SRSF4: variants seen among roughly 807,000 people sequenced by gnomAD.
SRSF4 encodes the protein serine/arginine-rich splicing factor 4.
Under a neutral mutation model 48.8 loss-of-function variants are expected in SRSF4, and 12 were observed. The ratio of observed to expected loss-of-function variants is 0.25; its 90% CI spans 0.16 to 0.40. The LOEUF is 0.40. Among genes scored for constraint, SRSF4 ranks in the 10% least tolerant of loss-of-function variants. The pLI, the probability that SRSF4 is intolerant of heterozygous loss-of-function variation, is 1.00. For synonymous variants in SRSF4, 248 were observed against 232.5 expected (o/e 1.07, Z -0.61); for missense variants, 466 against 667.1 (o/e 0.70, Z 3.32).
Position 29,148,976 on chromosome 1 carries a change from T to C in SRSF4, c.919A>G (p.Arg307Gly). ...CCTCGCTTCTCCTCCTCCACTCTCC[T>C]CTCCTGACTCCTGCTCCGACTTTTG... The part of the protein sequence containing the change: ...KSKSRSRSQE[R>G]RVEEEKRGSV... The change falls in exon 6 of 6, where the codon AGG (arginine) becomes GGG (glycine). Residue 307 changes from arginine to glycine, a missense_variant. Coordinates refer to ENST00000373795, the MANE Select transcript of SRSF4 (RefSeq NM_005626.5). 1.2e-6 allele frequency: 2 copies of C among 1,613,498 alleles called. No homozygotes were observed. Among genetic ancestry groups the C allele is most frequent in the South Asian group, 2.2e-5 (2 of 91,050 alleles).
chr1:29,174,837 C>T (rs551101059), intron 1 of SRSF4, among the ~76,000 whole-genome samples: 1 of 151,778 alleles, frequency 6.6e-6, no homozygotes, highest in Non-Finnish European at 1.5e-5. Context: ...TCATGCCCAG[C>T]TAATTTTTGT....
At chr1:29,156,810 G>T (rs917562920) in intron 3 of SRSF4, among the ~76,000 whole-genome samples, 1 of 152,350 alleles carries the variant, frequency 6.6e-6, no homozygotes, top group South Asian at 2.1e-4. Context: ...GAGAGGTTAA[G>T]AGTGCATAAA....
intron 1 of SRSF4, among the ~76,000 whole-genome samples, chr1:29,176,622 G>C (rs1672859555): frequency 6.6e-6 from 1 of 152,130 alleles, no homozygotes. Flanking sequence ...TCCCTGTGTA[G>C]GTGCTGGGGT....
Position 29,148,468 on chromosome 1 carries a change from G to C in SRSF4, c.1427C>G (p.Ser476Cys). Residue 476 changes from serine (S) to cysteine (C), a missense_variant, in exon 6 of 6, where the codon TCC (serine) becomes TGC (cysteine). Transcript: ENST00000373795. ...SKTRSRSKSR[S>C]RSASRSPSRS... The stretch of plus-strand genomic sequence containing the variant: ...GGAGGGCGATCTGGAAGCAGACCTG[G>C]ATCTAGACTTGGACCGAGATCGGGT... 6.2e-7 allele frequency: 1 copy of C among 1,613,628 alleles called. No homozygotes were observed. The highest frequency in any genetic ancestry group is 8.5e-7 in the Non-Finnish European group (1 of 1,179,738).
chr1:29,148,707 C>T lies in SRSF4; in HGVS notation c.1188G>A (p.Lys396=). 3 of 1,588,092 alleles carry T rather than the reference C, an allele frequency of 1.9e-6. No homozygotes were observed. The highest frequency in any genetic ancestry group is 2.3e-5 in the South Asian group (2 of 87,996). ...SKAGSSKKKK[K]EDTDRSQSRS... ...TGGACTGGGAGCGGTCAGTGTCTTC[C>T]TTCTTCTTCTTCTTGCTGCTGCCCG... Residue 396 remains lysine (K), a synonymous_variant, in exon 6 of 6, where the codon AAG becomes AAA. Coordinates refer to ENST00000373795, the MANE Select transcript of SRSF4 (RefSeq NM_005626.5).
chr1:29,175,808 G>A (rs951177657), intron 1 of SRSF4, among the ~76,000 whole-genome samples: 4 of 149,004 alleles, frequency 2.7e-5, no homozygotes, highest in African/African-American at 4.9e-5. Context: ...ATTCAAACAC[G>A]CTTTTAAACA....
At position 29,181,637 on chromosome 1, in the gene SRSF4, C is replaced by T; in HGVS notation, c.107+9G>A. 1.9e-6 allele frequency: 3 copies of T among 1,580,294 alleles called. No homozygotes were observed. The highest frequency in any genetic ancestry group is 1.7e-6 in the Non-Finnish European group (2 of 1,164,476). ...CCCGCCCGGCCGGACCCTCTTTCGCCCTCCTCACCCGTTCTTCAGATCCAC... is the reference window on the plus strand; with the variant it reads ...CCCGCCCGGCCGGACCCTCTTTCGCTCTCCTCACCCGTTCTTCAGATCCAC... On this transcript the variant is annotated intron_variant, in intron 1 of 5. Transcript: ENST00000373795.
intron 1 of SRSF4, among the ~76,000 whole-genome samples, chr1:29,168,190 AAT>A (rs1491443932): frequency 1.0e-5 from 1 of 95,754 alleles, no homozygotes; most frequent in Non-Finnish European, 2.3e-5. Context: ...AATTTTTTGT[AAT>A]TTTTTTTTTT....
In SRSF4 at chr1:29,148,744, C is replaced by T. The variant is rs746358772; in HGVS notation, c.1151G>A (p.Arg384Gln). The stretch of plus-strand genomic sequence containing the variant: ...CTTGCTGCTGCCCGCCTTGCTGTCT[C>T]GCTTGCTGCCTCGCTTTCTGCTCCT... Reference protein sequence around the residue: ...SERSRKRGSKRDSKAGSSKKK... With the variant: ...SERSRKRGSKQDSKAGSSKKK... The change falls in exon 6 of 6, where the codon CGA (arginine) becomes CAA (glutamine). Residue 384 changes from arginine (R) to glutamine (Q), a missense_variant. Coordinates refer to ENST00000373795, the MANE Select transcript of SRSF4 (RefSeq NM_005626.5). 24 of 1,613,678 alleles carry T rather than the reference C, an allele frequency of 1.5e-5. No individual in the cohort carries two copies. In the East Asian group the frequency reaches 1.6e-4, roughly 10 times the overall value.
In SRSF4 at chr1:29,148,789, C is replaced by A. The variant is rs769961673; in HGVS notation, c.1106G>T (p.Arg369Leu). ...GCTCCTCTCACTCTTGCTGCGGCTG[C>A]GACTGCGACTGCGGCTCTCCTCTCT... ...RSREESRSRSRSRSKSERSRK... is the reference protein window; with the variant it reads ...RSREESRSRSLSRSKSERSRK... The change falls in exon 6 of 6, where the codon CGC becomes CTC. Residue 369 changes from arginine (R) to leucine (L), a missense_variant. Arg to Leu is a moderately radical substitution (Grantham distance 102). This residue lies in a region of SRSF4 where 402 missense variants were observed against 437.0 expected (regional missense o/e 0.92). Coordinates refer to ENST00000373795, the MANE Select transcript of SRSF4 (RefSeq NM_005626.5). 1 of 1,612,440 alleles carries A rather than the reference C, an allele frequency of 6.2e-7. No homozygotes were observed. Among genetic ancestry groups the A allele is most frequent in the African/African-American group, 1.3e-5 (1 of 74,674 alleles).
intron 5 of SRSF4, 88 bp downstream of exon 5, chr1:29,150,015 G>A (rs1672381685): frequency 3.6e-6 from 4 of 1,101,242 alleles, no homozygotes; most frequent in Middle Eastern, 2.0e-4. Flanking sequence ...GTGACAGAGT[G>A]TCTCTTTGAA....
Position 29,148,982 on chromosome 1 carries a change from G to T in SRSF4, c.913C>A (p.Gln305Lys). 6.2e-7 allele frequency: 1 copy of T among 1,612,636 alleles called. No individual in the cohort carries two copies. Among genetic ancestry groups the T allele is most frequent in the Non-Finnish European group, 8.5e-7 (1 of 1,179,772 alleles). The change falls in exon 6 of 6, where the codon CAG (glutamine) becomes AAG (lysine). Residue 305 changes from glutamine to lysine, a missense_variant. Gln to Lys is a moderately conservative substitution (Grantham distance 53, BLOSUM62 1). Transcript: ENST00000373795. ...KSKSKSRSRS[Q>K]ERRVEEEKRG... is the part of the protein sequence containing the mutation. ...TTCTCCTCCTCCACTCTCCTCTCCT[G>T]ACTCCTGCTCCGACTTTTGCTCTTA...
intron 3 of SRSF4, among the ~76,000 whole-genome samples, chr1:29,157,980 C>A (rs1672527087): frequency 6.6e-6 from 1 of 152,126 alleles, no homozygotes; most frequent in Non-Finnish European, 1.5e-5. Flanking sequence ...CGAGACCAGC[C>A]TGGTCAACAT....
intron 3 of SRSF4, among the ~76,000 whole-genome samples, chr1:29,156,307 T>C (rs1558388277): frequency 2.0e-5 from 3 of 151,598 alleles, no homozygotes; most frequent in African/African-American, 2.4e-5. Context: ...TGAGCGAGAT[T>C]GTGCCACTGC....
At position 29,148,530 on chromosome 1, in the gene SRSF4, T is replaced by C. The variant is rs1161516740; in HGVS notation, c.1365A>G (p.Pro455=). ...ACTTTGATCTGGAGCGTGATTCTGA[T>C]GGAAGGTTTGGTTTCGATTTGGAAT... ...RSNSKSKPNL[P]SESRSRSKSA... is the part of the protein sequence containing the mutation. Residue 455 remains proline, a synonymous_variant, in exon 6 of 6, where the codon CCA becomes CCG. Coordinates refer to ENST00000373795, the MANE Select transcript of SRSF4 (RefSeq NM_005626.5). 1 of 1,614,134 alleles carries C rather than the reference T, an allele frequency of 6.2e-7. No individual in the cohort carries two copies. The highest frequency in any genetic ancestry group is 1.1e-5 in the South Asian group (1 of 91,082).
intron 1 of SRSF4, 72 bp from the exon 2 acceptor site, chr1:29,160,589 C>G: frequency 6.7e-7 from 1 of 1,497,538 alleles, no homozygotes; most frequent in Non-Finnish European, 9.0e-7. Context: ...AAAGAGAAAG[C>G]AATGAGGTTC....
chr1:29,159,406 A>G lies in SRSF4; in HGVS notation c.331T>C (p.Leu111=), dbSNP rs1672558715. 2.5e-6 allele frequency: 4 copies of G among 1,614,050 alleles called. No individual in the cohort carries two copies. In the East Asian group the frequency reaches 8.9e-5, roughly 36 times the overall value. ...RTEYRLIVEN[L]SSRCSWQDLK... is the part of the protein sequence containing the mutation. ...TCTTGCCAGCTGCACCGACTTGACA[A>G]ATTCTCCACAATAAGTCTGTACTCT... The change falls in exon 3 of 6, where the codon TTG becomes CTG. Residue 111 remains leucine, a synonymous_variant. Coordinates refer to ENST00000373795, the MANE Select transcript of SRSF4 (RefSeq NM_005626.5).
intron 1 of SRSF4, among the ~76,000 whole-genome samples, chr1:29,164,117 C>A (rs1421382838): frequency 1.3e-5 from 2 of 152,248 alleles, no homozygotes; most frequent in East Asian, 3.9e-4. Flanking sequence ...TCCCAAGTAG[C>A]TGGGATTACA....
Position 29,148,481 on chromosome 1 carries a change from A to C in SRSF4, c.1414T>G (p.Ser472Ala), listed in dbSNP as rs762382718. Residue 472 changes from serine (S) to alanine (A), a missense_variant, in exon 6 of 6, where the codon TCC (serine) becomes GCC (alanine). Physicochemically the swap from Ser to Ala is moderately conservative, Grantham distance 99. This residue lies in a region of SRSF4 where 402 missense variants were observed against 437.0 expected (regional missense o/e 0.92). Coordinates refer to ENST00000373795, the MANE Select transcript of SRSF4 (RefSeq NM_005626.5). ...GAAGCAGACCTGGATCTAGACTTGG[A>C]CCGAGATCGGGTTTTTGAAGCTGAC... ...SKSASKTRSRSKSRSRSASRS... is the reference protein window; with the variant it reads ...SKSASKTRSRAKSRSRSASRS... The C allele has an allele frequency of 1.7e-5, 27 of 1,613,924 alleles. No individual in the cohort carries two copies. Among genetic ancestry groups the C allele is most frequent in the Non-Finnish European group, 2.2e-5 (26 of 1,179,918 alleles).
Sources: allele counts gnomAD v4.1 joint callset (sites outside exome capture counted in the v4.1 genomes callset), GRCh38; gene constraint gnomAD v4.1.1; regional missense constraint gnomAD v4.1.1; transcripts MANE v1.5; gene names NCBI Gene and HGNC (gene_info 2026-07-23, HGNC 2026-07-21).